The following SLC25A26 variants were observed in gnomAD, a reference collection of about 807,000 sequenced individuals.
SLC25A26 encodes mitochondrial S-adenosylmethionine carrier protein.
Under a neutral mutation model 37.8 loss-of-function variants are expected in SLC25A26, and 36 were observed. The ratio of observed to expected loss-of-function variants is 0.95; its 90% CI spans 0.73 to 1.26. The LOEUF (loss-of-function observed/expected upper bound fraction) is 1.26. Ranked by LOEUF, SLC25A26 falls within the 50% of genes most tolerant of loss-of-function variation. The pLI, the probability that SLC25A26 is intolerant of heterozygous loss-of-function variation, is 0.00. For missense variants in SLC25A26, 390 were observed against 331.1 expected (o/e 1.18, Z -1.38); for synonymous variants, 129 against 122.5 (o/e 1.05, Z -0.35).
intron 6 of SLC25A26, among the ~76,000 whole-genome samples, chr3:66,351,583 C>T (rs902092942): frequency 6.6e-6 from 1 of 152,142 alleles, no homozygotes; most frequent in Admixed American, 6.5e-5. Flanking sequence ...AAGCCCCTTC[C>T]TCTGAGTGGC....
chr3:66,367,111 T>C (rs964805634), intron 7 of SLC25A26, among the ~76,000 whole-genome samples: 1 of 152,208 alleles, frequency 6.6e-6, no homozygotes, highest in Non-Finnish European at 1.5e-5. Flanking sequence ...GTGAGTGTGC[T>C]GGTCTAAAGA....
chr3:66,170,791 G>GTTTTTTTTTTTTTTTTTTTTTTTT, intron 1 of SLC25A26, among the ~76,000 whole-genome samples: 1 of 50,894 alleles, frequency 2.0e-5, no homozygotes, highest in Non-Finnish European at 3.5e-5. Flanking sequence ...TGTGATTATT[G>GTTTTTTTTTTTTTTTTTTTTTTTT]TTTTTTTTTT....
chr3:66,165,797 G>A lies in SLC25A26; in HGVS notation c.-354+31813G>A, dbSNP rs573170344. On this transcript the variant is annotated intron_variant, in intron 1 of 10. Coordinates refer to the SLC25A26 transcript ENST00000676754. ...CCATCAATCTTGAAAAACAAAATAC[G>A]GAAAAAATCCATAGTGCCTGGAGAG... 7.9e-5 allele frequency among the ~76,000 whole-genome samples: 12 copies of A among 152,054 alleles called. No individual in the cohort carries two copies. The East Asian group carries it at 9.7e-4, about 12-fold the overall frequency.
intron 1 of SLC25A26, among the ~76,000 whole-genome samples, chr3:66,164,477 C>A (rs2070399111): frequency 6.6e-6 from 1 of 151,934 alleles, no homozygotes; most frequent in African/African-American, 2.4e-5. Context: ...AAATCCTTTC[C>A]AGAAGCCCCC....
At position 66,222,504 on chromosome 3, in the gene SLC25A26, T is replaced by A. The variant is rs182279524; in HGVS notation, c.33+1377T>A. 4.4e-3 allele frequency among the ~76,000 whole-genome samples: 672 copies of A among 152,330 alleles called. 16 individuals carry two copies. Among genetic ancestry groups the A allele is most frequent in the Admixed American group, 0.042 (642 of 15,306 alleles). ...CCAATGTTACCGCTTTTAAGGAGCT[T>A]TCCTGTCTAGCTGGTGACACAGCAG... is the stretch of plus-strand genomic sequence containing the variant. On this transcript the variant is annotated intron_variant, in intron 1 of 9. Transcript: ENST00000354883.
In SLC25A26 at chr3:66,243,317, G is replaced by A. The variant is rs1559608793; in HGVS notation, c.300+5G>A. ...GCTGCCTCTGCTGGAGAAGTGGTAA[G>A]TAACAAGTTTTGTGTATAAAATACT... On this transcript the variant is annotated splice_donor_5th_base_variant and intron_variant, in intron 3 of 9. Transcript: ENST00000354883. 1 of 1,501,332 alleles carries A rather than the reference G, an allele frequency of 6.7e-7. No individual in the cohort carries two copies. The highest frequency in any genetic ancestry group is 9.2e-7 in the Non-Finnish European group (1 of 1,082,872). The allele number at this position is 1,501,332 out of a possible 1,614,324, so 93.0% of individuals were successfully genotyped here.
chr3:66,262,802 C>T (rs1402397746), intron 4 of SLC25A26, among the ~76,000 whole-genome samples: 1 of 151,992 alleles, frequency 6.6e-6, no homozygotes, highest in Admixed American at 6.6e-5. Context: ...GTATAACTTC[C>T]CCGTTGAACT....
chr3:66,318,318 G>C (rs1381646488), intron 5 of SLC25A26, among the ~76,000 whole-genome samples: 1 of 152,168 alleles, frequency 6.6e-6, no homozygotes, highest in Non-Finnish European at 1.5e-5. Context: ...GCTCATGAGG[G>C]GGACCTGCTG....
At chr3:66,332,018 G>A (rs562955041) in intron 5 of SLC25A26, among the ~76,000 whole-genome samples, 20 of 152,004 alleles carry the variant, frequency 1.3e-4, no homozygotes, top group African/African-American at 4.6e-4. Context: ...TGCATCCCCC[G>A]CCTCCCAGGT....
intron 1 of SLC25A26, among the ~76,000 whole-genome samples, chr3:66,142,940 T>C (rs2070057277): frequency 6.6e-6 from 1 of 152,098 alleles, no homozygotes; most frequent in Non-Finnish European, 1.5e-5. Context: ...TCTTTCTTTT[T>C]ATTTTTTGTA....
chr3:66,314,565 G>A (rs1419895161), intron 5 of SLC25A26, among the ~76,000 whole-genome samples: 1 of 152,052 alleles, frequency 6.6e-6, no homozygotes, highest in Non-Finnish European at 1.5e-5. Context: ...AGGGATATTG[G>A]ACTGAAGTTT....
intron 5 of SLC25A26, among the ~76,000 whole-genome samples, chr3:66,273,005 G>T (rs923134449): frequency 1.4e-4 from 21 of 152,100 alleles, no homozygotes; most frequent in African/African-American, 4.6e-4. Context: ...AGCATGAAGG[G>T]TTTTTGAATC....
chr3:66,325,659 C>A (rs1000873762), intron 5 of SLC25A26, among the ~76,000 whole-genome samples: 14 of 152,034 alleles, frequency 9.2e-5, no homozygotes, highest in African/African-American at 3.4e-4. Flanking sequence ...CCCAGCAGCC[C>A]AGGCAGAGGA....
At chr3:66,162,377 G>T (rs2070372010) in intron 1 of SLC25A26, among the ~76,000 whole-genome samples, 1 of 149,338 alleles carries the variant, frequency 6.7e-6, no homozygotes, top group South Asian at 2.1e-4. Context: ...GGGCGGGGGA[G>T]GGGGGTGCAC....
intron 9 of SLC25A26, among the ~76,000 whole-genome samples, chr3:66,373,496 A>AGGT (rs1700465203): frequency 6.6e-6 from 1 of 152,208 alleles, no homozygotes; most frequent in Non-Finnish European, 1.5e-5. Context: ...AAGGTAGTAA[A>AGGT]GGTGGGAGAA....
At chr3:66,298,081 C>T (rs1042957539) in intron 5 of SLC25A26, among the ~76,000 whole-genome samples, 1 of 152,210 alleles carries the variant, frequency 6.6e-6, no homozygotes. Context: ...TAAGTCCCCA[C>T]TTGAGATCTT....
chr3:66,145,496 T>C (rs968086608), intron 1 of SLC25A26, among the ~76,000 whole-genome samples: 3 of 152,246 alleles, frequency 2.0e-5, no homozygotes, highest in African/African-American at 7.2e-5. Context: ...AGATAATTCT[T>C]GATAGGGGAC....
intron 1 of SLC25A26, among the ~76,000 whole-genome samples, chr3:66,173,369 T>C (rs1559560079): frequency 1.3e-5 from 2 of 152,002 alleles, no homozygotes; most frequent in Non-Finnish European, 2.9e-5. Context: ...AGAAGAAAAA[T>C]AGGGTACTGG....
At chr3:66,345,266 T>C (rs332359) in intron 5 of SLC25A26, among the ~76,000 whole-genome samples, 76,786 of 151,394 alleles carry the variant, frequency 0.51, 20,778 homozygotes, top group East Asian at 0.7. Flanking sequence ...CATTGACTGA[T>C]TTGGTGATTC....
Sources: gnomAD v4.1 joint callset for allele counts (sites outside exome capture counted in the v4.1 genomes callset) on GRCh38, gnomAD v4.1.1 for gene constraint, MANE v1.5 for transcripts, NCBI Gene and HGNC (gene_info 2026-07-23, HGNC 2026-07-21) for gene names.